RAB10: variants seen among roughly 807,000 people sequenced by gnomAD.
The protein encoded by RAB10 is RAB10, member RAS oncogene family.
In RAB10, 5 loss-of-function variants were observed where a neutral mutation model predicts 25.7. The observed-to-expected ratio is 0.19, with a 90% CI of 0.10 to 0.41. The LOEUF (loss-of-function observed/expected upper bound fraction) is 0.41, where lower values mean the gene tolerates loss of function less well. RAB10 is among the 10% of genes least tolerant of loss of function. The pLI is 1.00. For synonymous variants in RAB10, 89 were observed against 86.4 expected (o/e 1.03, Z -0.16); for missense variants, 103 against 245.8 (o/e 0.42, Z 3.89).
intron 2 of RAB10, among the ~76,000 whole-genome samples, chr2:26,105,366 G>T (rs1004299096): frequency 6.6e-6 from 1 of 152,060 alleles, no homozygotes; most frequent in African/African-American, 2.4e-5. Flanking sequence ...AGAGAATGCA[G>T]TCGGCTGGGC....
rs527313907 is a variant in RAB10 at position 26,040,369 on chromosome 2, A to G, written c.127+5634A>G. Among the ~76,000 whole-genome samples the G allele has an allele frequency of 4.9e-4, 75 of 152,174 alleles. 2 individuals carry two copies. In the South Asian group the frequency reaches 0.013, roughly 26 times the overall value. ...TCTATAAATGATTTATAGAGAATCT[A>G]TAACATCCTGAGGACTGGGCGTGGT... On this transcript the variant is annotated intron_variant, in intron 1 of 5. Transcript: ENST00000264710.
intron 2 of RAB10, among the ~76,000 whole-genome samples, chr2:26,104,597 T>C (rs557659815): frequency 3.7e-4 from 56 of 152,272 alleles, no homozygotes; most frequent in Non-Finnish European, 7.1e-4. Flanking sequence ...TTTACCTGTT[T>C]TTTCTTTTGT....
Position 26,034,097 on chromosome 2 carries a change from C to A in RAB10, c.-512C>A. On this transcript the variant is annotated 5_prime_UTR_variant, in exon 1 of 6. Transcript: ENST00000264710. ...GCCCTTGCGTGCGTCTCAGGCAGCG[C>A]GCACGCCGGCGTGAGAGGGCACGGG... The A allele has an allele frequency of 2.5e-6, 1 of 403,998 alleles. No individual in the cohort carries two copies. Among genetic ancestry groups the A allele is most frequent in the Non-Finnish European group, 4.4e-6 (1 of 228,636 alleles). The allele number at this position is 403,998 out of a possible 1,614,324, so 25.0% of individuals were successfully genotyped here.
intron 1 of RAB10, among the ~76,000 whole-genome samples, chr2:26,065,257 C>A (rs1666490966): frequency 6.6e-6 from 1 of 152,046 alleles, no homozygotes; most frequent in Non-Finnish European, 1.5e-5. Context: ...CAGGTAGAAT[C>A]ATTCTTTGTG....
chr2:26,089,651 T>C (rs1324178095), intron 1 of RAB10, among the ~76,000 whole-genome samples: 1 of 152,188 alleles, frequency 6.6e-6, no homozygotes, highest in African/African-American at 2.4e-5. Context: ...CAAACATTTT[T>C]AGGCTTTTTC....
chr2:26,043,090 T>C (rs1206185305), intron 1 of RAB10, among the ~76,000 whole-genome samples: 1 of 152,156 alleles, frequency 6.6e-6, no homozygotes, highest in African/African-American at 2.4e-5. Flanking sequence ...CCATATGATC[T>C]AGTGATCTCA....
chr2:26,064,432 C>T (rs1255343782), intron 1 of RAB10, among the ~76,000 whole-genome samples: 2 of 152,110 alleles, frequency 1.3e-5, no homozygotes, highest in Non-Finnish European at 2.9e-5. Flanking sequence ...AGCAATCCTC[C>T]CACCTCAGCC....
chr2:26,123,707 G>T (rs888747454), intron 3 of RAB10, among the ~76,000 whole-genome samples: 4 of 152,172 alleles, frequency 2.6e-5, no homozygotes, highest in African/African-American at 9.7e-5. Flanking sequence ...TAGACAATCT[G>T]GCAGAAGGGT....
At position 26,088,792 on chromosome 2, in the gene RAB10, T is replaced by C. The variant is rs569749536; in HGVS notation, c.128-9870T>C. On this transcript the variant is annotated intron_variant, in intron 1 of 5. Transcript: ENST00000264710. ...GGCGCCCGCCACCATACCCAGCCAA[T>C]TTTTGTATTTTTAGTAGACACAGGG... Among the ~76,000 whole-genome samples the C allele has an allele frequency of 3.9e-5, 6 of 152,078 alleles. No individual in the cohort carries two copies. The East Asian group carries it at 1.2e-3, about 30-fold the overall frequency.
At chr2:26,131,997 A>G (rs888667868) in intron 5 of RAB10, among the ~76,000 whole-genome samples, 4 of 152,230 alleles carry the variant, frequency 2.6e-5, no homozygotes, top group African/African-American at 9.6e-5. Context: ...CCACACGCAC[A>G]TACATTTGAA....
intron 1 of RAB10, among the ~76,000 whole-genome samples, chr2:26,037,243 G>A (rs1385186379): frequency 1.3e-5 from 2 of 152,190 alleles, no homozygotes; most frequent in Non-Finnish European, 1.5e-5. Context: ...GAAGATGTGT[G>A]ATGATTTTGG....
chr2:26,062,006 C>A (rs558817916), intron 1 of RAB10, among the ~76,000 whole-genome samples: 1 of 152,130 alleles, frequency 6.6e-6, no homozygotes. Flanking sequence ...GTTGATGGTT[C>A]TAGGAGCTTG....
chr2:26,075,985 G>C (rs117414268), intron 1 of RAB10, among the ~76,000 whole-genome samples: 5 of 152,152 alleles, frequency 3.3e-5, no homozygotes, highest in African/African-American at 1.2e-4. Flanking sequence ...TATCAATAAG[G>C]GCAGGCCAAA....
intron 1 of RAB10, among the ~76,000 whole-genome samples, chr2:26,073,565 C>G (rs560778130): frequency 6.6e-6 from 1 of 152,258 alleles, no homozygotes; most frequent in South Asian, 2.1e-4. Flanking sequence ...CAGAACCTAC[C>G]CAGAACTCAG....
intron 2 of RAB10, among the ~76,000 whole-genome samples, chr2:26,107,359 A>T (rs1433676833): frequency 6.6e-6 from 1 of 152,194 alleles, no homozygotes; most frequent in African/African-American, 2.4e-5. Flanking sequence ...CAAAATTAAA[A>T]GCTTCCTCTC....
chr2:26,118,863 A>G (rs990749350), intron 3 of RAB10, among the ~76,000 whole-genome samples: 1 of 152,230 alleles, frequency 6.6e-6, no homozygotes, highest in African/African-American at 2.4e-5. Context: ...GTCCTCCTGC[A>G]TAAACATGTC....
chr2:26,072,276 C>T (rs1666643164), intron 1 of RAB10, among the ~76,000 whole-genome samples: 1 of 152,092 alleles, frequency 6.6e-6, no homozygotes, highest in East Asian at 1.9e-4. Flanking sequence ...ATTAGCTGGG[C>T]ATGGTGGCAC....
At chr2:26,118,935 G>A (rs1353561890) in intron 3 of RAB10, among the ~76,000 whole-genome samples, 1 of 152,228 alleles carries the variant, frequency 6.6e-6, no homozygotes, top group Non-Finnish European at 1.5e-5. Flanking sequence ...TTTGCCGTAA[G>A]TGGTTGTAAA....
chr2:26,104,737 ATTTT>A (rs35749938), intron 2 of RAB10, among the ~76,000 whole-genome samples: 1 of 133,366 alleles, frequency 7.5e-6, no homozygotes, highest in Non-Finnish European at 1.6e-5. Flanking sequence ...TTTTGAGGTA[ATTTT>A]TTTTTTTTTT....
Sources: gnomAD v4.1 joint callset for allele counts (sites outside exome capture counted in the v4.1 genomes callset) on GRCh38, gnomAD v4.1.1 for gene constraint, MANE v1.5 for transcripts, NCBI Gene and HGNC (gene_info 2026-07-23, HGNC 2026-07-21) for gene names.